The following CLSPN variants were observed in gnomAD, a reference collection of about 807,000 sequenced individuals.
The protein encoded by CLSPN is claspin.
In CLSPN, 85 loss-of-function variants were observed where a neutral mutation model predicts 156.3. The observed-to-expected ratio is 0.54, with a 90% confidence interval of 0.46 to 0.65. CLSPN has a LOEUF of 0.65. CLSPN is among the 30% of genes least tolerant of loss of function. The probability of loss-of-function intolerance (pLI) is 0.00; values close to 1 mark genes in which losing one functional copy is unlikely to be tolerated. For missense variants in CLSPN, 1,407 were observed against 1,554.9 expected (o/e 0.90, Z 1.60); for synonymous variants, 534 against 542.4 (o/e 0.98, Z 0.22).
chr1:35,760,624 T>C lies in CLSPN; in HGVS notation c.1297A>G (p.Asn433Asp), dbSNP rs753309014. The C allele has an allele frequency of 1.2e-6, 2 of 1,614,230 alleles. No homozygotes were observed. Among genetic ancestry groups the C allele is most frequent in the Non-Finnish European group, 1.7e-6 (2 of 1,180,036 alleles). Residue 433 changes from asparagine (N) to aspartate (D), a missense_variant, in exon 8 of 25, where the codon AAC becomes GAC. Around this residue, in one of 3 missense-constraint regions of CLSPN, gnomAD observed 1,096 missense variants for 1,193.0 expected, o/e 0.92. Transcript: ENST00000318121. ...TCACTGTGATTGTTCCCGAGGAAGT[T>C]GGATTCCTGTTGCAACACTGAGCTG... Reference protein sequence around the residue: ...GDSSVLQQESNFLGNNHSEEC... With the variant: ...GDSSVLQQESDFLGNNHSEEC...
chr1:35,723,246 G>A (rs1440492166), intron 24 of CLSPN, among the ~76,000 whole-genome samples: 5 of 152,220 alleles, frequency 3.3e-5, no homozygotes, highest in Non-Finnish European at 7.3e-5. Flanking sequence ...AAGTGGCAAG[G>A]ACACAGAAAC....
intron 8 of CLSPN, among the ~76,000 whole-genome samples, chr1:35,758,608 G>A (rs906319176): frequency 6.6e-6 from 1 of 151,754 alleles, no homozygotes; most frequent in African/African-American, 2.4e-5. Context: ...TCGCAGCATT[G>A]CACTCCAGCC....
At chr1:35,728,444 G>T (rs922118708), downstream of CLSPN, among the ~76,000 whole-genome samples, 1 of 152,142 alleles carries the variant, frequency 6.6e-6, no homozygotes, top group South Asian at 2.1e-4. Flanking sequence ...TTGCCCAAAA[G>T]AAAACTGGGC....
chr1:35,747,028 A>C, intron 14 of CLSPN, 36 bp from the exon 15 acceptor site: 1 of 1,564,074 alleles, frequency 6.4e-7, no homozygotes, highest in Non-Finnish European at 8.8e-7. Context: ...AGTGTAAAAA[A>C]TTCCTCAGAG....
intron 8 of CLSPN, among the ~76,000 whole-genome samples, chr1:35,759,213 A>G (rs1484513288): frequency 6.6e-6 from 1 of 152,214 alleles, no homozygotes; most frequent in Non-Finnish European, 1.5e-5. Flanking sequence ...CTGAGGAAGC[A>G]CTAGGGATAG....
At position 35,760,473 on chromosome 1, in the gene CLSPN, A is replaced by G. The variant is rs780664284; in HGVS notation, c.1448T>C (p.Val483Ala). 4.3e-6 allele frequency: 7 copies of G among 1,614,190 alleles called. No individual in the cohort carries two copies. The highest frequency in any genetic ancestry group is 1.7e-5 in the Admixed American group (1 of 60,012). The change falls in exon 8 of 25, where the codon GTT becomes GCT. Residue 483 changes from valine to alanine, a missense_variant. Val to Ala is a moderately conservative substitution (Grantham distance 64). Coordinates refer to ENST00000318121, the MANE Select transcript of CLSPN (RefSeq NM_022111.4). ...EPEQQNKSSA[V>A]GPPEKVRRFT... ...CCGTCTCACTTTTTCAGGTGGCCCA[A>G]CTGCTGATGATTTATTTTGCTGCTC...
chr1:35,750,783 CCTTCTACAAATGCCTT>C (rs1174772759), intron 10 of CLSPN, among the ~76,000 whole-genome samples: 2 of 151,910 alleles, frequency 1.3e-5, no homozygotes, highest in Non-Finnish European at 2.9e-5. Context: ...GGCAAGAGGC[CCTTCTACAAATGCCTT>C]CTTCTACAAA....
In CLSPN at chr1:35,732,983, GA is replaced by G; in HGVS notation, c.*3512del. 1 of 946,806 alleles carries G rather than the reference GA, an allele frequency of 1.1e-6. No individual in the cohort carries two copies. The highest frequency in any genetic ancestry group is 1.3e-6 in the Non-Finnish European group (1 of 797,408). The allele number at this position is 946,806 out of a possible 1,614,324, so 58.7% of individuals were successfully genotyped here. A position where few individuals can be genotyped will look rare whatever the true frequency, so the allele number is the denominator to read the frequency against. On this transcript the variant is annotated 3_prime_UTR_variant, in exon 25 of 25. Transcript: ENST00000318121. ...ATTTTCTTTCTTTCTTTTTTTTTTT[GA>G]GAGGGAGTCTCACTCTGTCGCCCAT...
Position 35,733,320 on chromosome 1 carries a change from C to CTTT in CLSPN, c.*3173_*3175dup, listed in dbSNP as rs1222789867. The CTTT allele has an allele frequency of 1.8e-4, 25 of 135,982 alleles. No individual in the cohort carries two copies. Among genetic ancestry groups the CTTT allele is most frequent in the Non-Finnish European group, 3.1e-4 (22 of 70,016 alleles). 8.4% of individuals were successfully genotyped at this position (135,982 alleles called of 1,614,324 possible). ...CAGGCACTAATTTTCTTTTTTTTTT[C>CTTT]TTTTTTTTTTTTTTTTTAGAGTTGG... is the stretch of plus-strand genomic sequence containing the variant. On this transcript the variant is annotated 3_prime_UTR_variant, in exon 25 of 25. Coordinates refer to ENST00000318121, the MANE Select transcript of CLSPN (RefSeq NM_022111.4).
intron 4 of CLSPN, among the ~76,000 whole-genome samples, 173 bp from the exon 5 acceptor site, chr1:35,762,654 C>T (rs952929606): frequency 2.0e-5 from 3 of 152,198 alleles, no homozygotes; most frequent in East Asian, 1.9e-4. Context: ...AAAACAGATA[C>T]CTCAGATGGA....
At chr1:35,760,067 C>T (rs1003707193) in intron 8 of CLSPN, among the ~76,000 whole-genome samples, 4 of 152,120 alleles carry the variant, frequency 2.6e-5, no homozygotes, top group South Asian at 4.1e-4. Context: ...CTCCTGACCT[C>T]GTGATCTGCC....
At chr1:35,758,922 CTG>C (rs1279871353) in intron 8 of CLSPN, among the ~76,000 whole-genome samples, 1 of 151,828 alleles carries the variant, frequency 6.6e-6, no homozygotes, top group Non-Finnish European at 1.5e-5. Context: ...GTGTGCACCA[CTG>C]TGTCTGGCTT....
In CLSPN at chr1:35,749,645, G is replaced by A; in HGVS notation, c.2195C>T (p.Ser732Phe). ...DSTLLLFKDS[S>F]SKMGYFPTEE... ...GAGAATCACTTACCCCATCTTGGAA[G>A]AGCTGTCCTTAAACAGAAGTAAAGT... Residue 732 changes from serine (S) to phenylalanine (F), a missense_variant, in exon 11 of 25, where the codon TCT (serine) becomes TTT (phenylalanine). Around this residue, in one of 3 missense-constraint regions of CLSPN, gnomAD observed 1,096 missense variants for 1,193.0 expected, o/e 0.92. Coordinates refer to ENST00000318121, the MANE Select transcript of CLSPN (RefSeq NM_022111.4). 6.2e-7 allele frequency: 1 copy of A among 1,614,066 alleles called. No homozygotes were observed. Among genetic ancestry groups the A allele is most frequent in the East Asian group, 2.2e-5 (1 of 44,870 alleles).
At chr1:35,765,478 G>A in intron 1 of CLSPN, 152 bp from the exon 2 acceptor site, 5 of 549,722 alleles carry the variant, frequency 9.1e-6, no homozygotes, top group South Asian at 7.7e-5. Flanking sequence ...TAGAATTACT[G>A]GACAACAAAC....
In CLSPN at chr1:35,760,716, A is replaced by T. The variant is rs145186914; in HGVS notation, c.1205T>A (p.Val402Glu). 2.0e-4 allele frequency: 329 copies of T among 1,614,046 alleles called. No homozygotes were observed. The highest frequency in any genetic ancestry group is 2.6e-4 in the Non-Finnish European group (303 of 1,180,024). Residue 402 changes from valine (V) to glutamate (E), a missense_variant, in exon 8 of 25, where the codon GTA becomes GAA. Physicochemically the swap from Val to Glu is moderately radical, Grantham distance 121. Transcript: ENST00000318121. ...CTGAATTTCTAGCTCTTCATTTTTT[A>T]CCAAATCCTTCCTGCAAGACTCATC... Reference protein sequence around the residue: ...GSDESCRKDLVKNEELEIQEK... With the variant: ...GSDESCRKDLEKNEELEIQEK...
chr1:35,720,743 G>C, exon 25 of CLSPN: 1 of 515,994 alleles, frequency 1.9e-6, no homozygotes, highest in East Asian at 3.5e-5. Flanking sequence ...ACCATGCCTG[G>C]CCCAAATCCT....
Position 35,763,338 on chromosome 1 carries a change from CAAAA to C in CLSPN, c.583-21_583-18del, listed in dbSNP as rs1005705633. On this transcript the variant is annotated intron_variant, in intron 3 of 24. Transcript: ENST00000318121. The stretch of plus-strand genomic sequence containing the variant: ...ATCATCTTCCTAAGTAATACATAAA[CAAAA>C]AGCATAATCCAATCATTTAAAAATC... The C allele has an allele frequency of 1.3e-6, 2 of 1,545,712 alleles. No individual in the cohort carries two copies. Among genetic ancestry groups the C allele is most frequent in the Non-Finnish European group, 1.7e-6 (2 of 1,153,294 alleles).
intron 1 of CLSPN, among the ~76,000 whole-genome samples, chr1:35,767,714 C>T (rs954908263): frequency 6.6e-6 from 1 of 152,108 alleles, no homozygotes; most frequent in African/African-American, 2.4e-5. Flanking sequence ...TATGTGTATG[C>T]GAATATTCCA....
At chr1:35,728,937 C>A (rs1240414989), downstream of CLSPN, among the ~76,000 whole-genome samples, 4 of 119,332 alleles carry the variant, frequency 3.4e-5, no homozygotes, top group African/African-American at 1.7e-4. Flanking sequence ...CACACACACA[C>A]ACACACACAC....
Sources: gnomAD v4.1 joint callset for allele counts (sites outside exome capture counted in the v4.1 genomes callset) on GRCh38, gnomAD v4.1.1 for gene constraint, gnomAD v4.1.1 regional missense constraint, MANE v1.5 for transcripts, NCBI Gene and HGNC (gene_info 2026-07-23, HGNC 2026-07-21) for gene names.